The following DDC variants were observed in gnomAD, a reference collection of about 807,000 sequenced individuals.
DDC encodes dopa decarboxylase, also known as aromatic-L-amino-acid decarboxylase.
A neutral mutation model predicts 60.0 loss-of-function variants in DDC; 43 were observed. That is an observed-to-expected ratio of 0.72 (90% CI 0.56 to 0.92). DDC has a LOEUF of 0.92. DDC is among the 40% of genes least tolerant of loss of function. DDC has a pLI of 0.00. For synonymous variants in DDC, 232 were observed against 234.6 expected, an observed-to-expected ratio of 0.99 and a Z score of 0.10; for missense variants, 573 against 620.2, an observed-to-expected ratio of 0.92 and a Z score of 0.81.
intron 8 of DDC, among the ~76,000 whole-genome samples, chr7:50,496,050 G>A (rs2043119695): frequency 6.6e-6 from 1 of 151,672 alleles, no homozygotes; most frequent in Non-Finnish European, 1.5e-5. Flanking sequence ...CAGCATTGCT[G>A]TAACATATCA....
intron 6 of DDC, among the ~76,000 whole-genome samples, chr7:50,518,513 A>G (rs1169535260): frequency 6.6e-6 from 1 of 152,234 alleles, no homozygotes; most frequent in African/African-American, 2.4e-5. Context: ...AGTCACCAGA[A>G]CAGCATGGTA....
chr7:50,525,636 C>A (rs2044016940), intron 6 of DDC, among the ~76,000 whole-genome samples: 1 of 151,972 alleles, frequency 6.6e-6, no homozygotes, highest in Admixed American at 6.6e-5. Context: ...TGGTGGTACA[C>A]ACCTGTAATC....
intron 7 of DDC, among the ~76,000 whole-genome samples, chr7:50,502,790 C>A (rs2043291953): frequency 6.6e-6 from 1 of 152,238 alleles, no homozygotes. Context: ...ATTTTCCCTG[C>A]ATTAATTTAT....
chr7:50,517,842 A>AAC (rs1554427502), intron 6 of DDC, among the ~76,000 whole-genome samples: 24 of 151,746 alleles, frequency 1.6e-4, no homozygotes, highest in African/African-American at 5.8e-4. Flanking sequence ...AAAAAAAAAA[A>AAC]AAAACCTTAG....
intron 1 of DDC, among the ~76,000 whole-genome samples, chr7:50,552,389 C>T (rs1245231776): frequency 6.6e-6 from 1 of 152,226 alleles, no homozygotes. Context: ...TTCTCTACCC[C>T]ACACTATTCT....
chr7:50,480,016 C>A, intron 9 of DDC, 153 bp from the exon 10 acceptor site: 1 of 674,518 alleles, frequency 1.5e-6, no homozygotes, highest in South Asian at 1.6e-5. Flanking sequence ...GCTCCAAGTA[C>A]CTGGGGAGGG....
At chr7:50,553,216 G>A (rs1373166097) in intron 1 of DDC, among the ~76,000 whole-genome samples, 3 of 152,144 alleles carry the variant, frequency 2.0e-5, no homozygotes, top group Admixed American at 6.5e-5. Flanking sequence ...TGATTTTGCT[G>A]CAAACACCGG....
chr7:50,562,658 G>C (rs1362928812), intron 1 of DDC, among the ~76,000 whole-genome samples: 5 of 152,246 alleles, frequency 3.3e-5, no homozygotes, highest in Admixed American at 3.3e-4. Context: ...CTTGGGGGCT[G>C]CAGTGGGTGA....
At chr7:50,472,487 CA>C (rs1223202772) in intron 11 of DDC, among the ~76,000 whole-genome samples, 1 of 152,152 alleles carries the variant, frequency 6.6e-6, no homozygotes, top group African/African-American at 2.4e-5. Context: ...AAGCCATCAA[CA>C]TCTTCCAGAA....
At position 50,460,191 on chromosome 7, in the gene DDC, G is replaced by A. The variant is rs1463680425; in HGVS notation, c.*19-1348C>T. Among the ~76,000 whole-genome samples the A allele has an allele frequency of 2.2e-4, 31 of 143,020 alleles. 1 individual carries two copies. Among genetic ancestry groups the A allele is most frequent in the East Asian group, 1.1e-3 (5 of 4,484 alleles). The allele number at this position is 143,020 out of a possible 152,430, so 93.8% of individuals were successfully genotyped here. On this transcript the variant is annotated intron_variant, in intron 14 of 14. Transcript: ENST00000444124. Reference sequence around the variant, plus strand: ...CCCCGTCCGGGAAGGAGGTGGGGGGGTCAGCCCCTGGCCCGGCCAGCCGCC... The same window carrying A: ...CCCCGTCCGGGAAGGAGGTGGGGGGATCAGCCCCTGGCCCGGCCAGCCGCC...
At chr7:50,487,171 T>A (rs2042903315) in intron 9 of DDC, among the ~76,000 whole-genome samples, 1 of 152,178 alleles carries the variant, frequency 6.6e-6, no homozygotes, top group Non-Finnish European at 1.5e-5. Context: ...GAGTTCTAAT[T>A]AATTGGCCTA....
intron 11 of DDC, among the ~76,000 whole-genome samples, chr7:50,475,910 G>T (rs1297459142): frequency 6.6e-6 from 1 of 151,958 alleles, no homozygotes; most frequent in African/African-American, 2.4e-5. Context: ...GGCTGGTCTC[G>T]AAGACCTGAC....
chr7:50,470,995 C>A (rs567846046), intron 11 of DDC, among the ~76,000 whole-genome samples: 1 of 152,192 alleles, frequency 6.6e-6, no homozygotes, highest in East Asian at 1.9e-4. Flanking sequence ...CAGCCAGGCG[C>A]GACACTCTAG....
At chr7:50,483,483 G>T (rs1335156810) in intron 9 of DDC, among the ~76,000 whole-genome samples, 3 of 152,148 alleles carry the variant, frequency 2.0e-5, no homozygotes, top group Non-Finnish European at 4.4e-5. Context: ...TCTGGTTTTA[G>T]AATCAAATTT....
At chr7:50,468,903 A>G (rs906911336) in intron 12 of DDC, among the ~76,000 whole-genome samples, 3 of 149,866 alleles carry the variant, frequency 2.0e-5, no homozygotes, top group Non-Finnish European at 3.0e-5. Context: ...AGGCAGATCC[A>G]GGCTCATATT....
At chr7:50,466,403 T>A (rs1167858117) in intron 13 of DDC, among the ~76,000 whole-genome samples, 2 of 148,594 alleles carry the variant, frequency 1.3e-5, no homozygotes, top group Non-Finnish European at 3.0e-5. Context: ...GAGAATCACT[T>A]GAACCCGGGA....
At chr7:50,526,627 C>G (rs1339417186) in intron 6 of DDC, among the ~76,000 whole-genome samples, 1 of 152,124 alleles carries the variant, frequency 6.6e-6, no homozygotes, top group African/African-American at 2.4e-5. Flanking sequence ...GTATCAATAA[C>G]TACCTTGAGT....
At chr7:50,471,410 G>T (rs2042528330) in intron 11 of DDC, among the ~76,000 whole-genome samples, 1 of 152,064 alleles carries the variant, frequency 6.6e-6, no homozygotes. Flanking sequence ...ATAAAGTGTG[G>T]GTGGAATGAA....
chr7:50,529,259 C>G lies in DDC; in HGVS notation c.519G>C (p.Glu173Asp), dbSNP rs770780468. Residue 173 changes from glutamate to aspartate, a missense_variant, in exon 5 of 15, where the codon GAG becomes GAC. Physicochemically the swap from Glu to Asp is conservative, Grantham distance 45 (BLOSUM62 2). Transcript: ENST00000444124. ...TCTCCATGATAGCGGCCTGTGTGAGCTCTGGGGACGCTGCCTGCAGCCGAT... is the reference window on the plus strand; with the variant it reads ...TCTCCATGATAGCGGCCTGTGTGAGGTCTGGGGACGCTGCCTGCAGCCGAT... ...VIHRLQAASPELTQAAIMEKL... is the reference protein window; with the variant it reads ...VIHRLQAASPDLTQAAIMEKL... The G allele has an allele frequency of 2.5e-6, 4 of 1,613,872 alleles. No homozygotes were observed. The Middle Eastern group carries it at 5.1e-4, about 205-fold the overall frequency.
Sources: gnomAD v4.1 joint callset for allele counts (sites outside exome capture counted in the v4.1 genomes callset) on GRCh38, gnomAD v4.1.1 for gene constraint, MANE v1.5 for transcripts, NCBI Gene and HGNC (gene_info 2026-07-23, HGNC 2026-07-21) for gene names.